COL21A1: variants seen among roughly 807,000 people sequenced by gnomAD.
The protein encoded by COL21A1 is collagen alpha-1(XXI) chain.
Under a neutral mutation model 137.9 loss-of-function variants are expected in COL21A1, and 149 were observed. The observed-to-expected ratio is 1.08, with a 90% CI of 0.95 to 1.24. The LOEUF (loss-of-function observed/expected upper bound fraction) is 1.24. Ranked by LOEUF, COL21A1 falls within the 50% of genes most tolerant of loss-of-function variation. COL21A1 has a pLI of 0.00. For missense variants in COL21A1, 1,167 were observed against 1,158.4 expected, an observed-to-expected ratio of 1.01 and a Z score of -0.11; for synonymous variants, 456 against 391.5, an observed-to-expected ratio of 1.16 and a Z score of -1.95.
intron 1 of COL21A1, among the ~76,000 whole-genome samples, chr6:56,291,477 G>T (rs1383229168): frequency 2.6e-5 from 4 of 152,198 alleles, no homozygotes; most frequent in African/African-American, 9.6e-5. Context: ...CCCACTTCTG[G>T]CCTTGCAGTC....
chr6:56,078,252 T>G, intron 17 of COL21A1: 1 of 455,292 alleles, frequency 2.2e-6, no homozygotes, highest in Admixed American at 2.4e-5. Context: ...TTTAGCACAT[T>G]TATTGCTTGC....
At chr6:56,302,854 T>C (rs1214893319) in intron 1 of COL21A1, among the ~76,000 whole-genome samples, 4 of 152,176 alleles carry the variant, frequency 2.6e-5, no homozygotes, top group South Asian at 2.1e-4. Flanking sequence ...AGGGTTTTTA[T>C]GGATTTAGGT....
intron 24 of COL21A1, among the ~76,000 whole-genome samples, chr6:56,062,394 A>G (rs545558459): frequency 2.0e-5 from 3 of 152,274 alleles, no homozygotes; most frequent in African/African-American, 7.2e-5. Flanking sequence ...TGTATTATAG[A>G]GGAAAAAAAC....
intron 1 of COL21A1, among the ~76,000 whole-genome samples, chr6:56,260,485 A>C (rs1184519809): frequency 1.3e-5 from 2 of 151,556 alleles, no homozygotes; most frequent in African/African-American, 4.8e-5. Flanking sequence ...GAGGCAGGAG[A>C]ATCACTTGAA....
chr6:56,350,239 C>A (rs1287363272), intron 1 of COL21A1, among the ~76,000 whole-genome samples: 2 of 152,116 alleles, frequency 1.3e-5, no homozygotes, highest in African/African-American at 4.8e-5. Flanking sequence ...ACATGGCCTG[C>A]CACTAACTTA....
At chr6:56,308,744 AC>A (rs1313644219) in intron 1 of COL21A1, among the ~76,000 whole-genome samples, 1 of 7,830 alleles carries the variant, frequency 1.3e-4, no homozygotes, top group African/African-American at 1.4e-4. Flanking sequence ...CTACAAAAAA[AC>A]AAATAAGATT....
chr6:56,220,053 T>C (rs1200154754), intron 1 of COL21A1, among the ~76,000 whole-genome samples: 1 of 152,164 alleles, frequency 6.6e-6, no homozygotes, highest in Non-Finnish European at 1.5e-5. Flanking sequence ...ATAGACTGTA[T>C]TGGTATATAA....
intron 1 of COL21A1, among the ~76,000 whole-genome samples, chr6:56,391,310 G>T (rs1048775171): frequency 6.6e-6 from 1 of 151,908 alleles, no homozygotes; most frequent in African/African-American, 2.4e-5. Flanking sequence ...AGTACCAAGA[G>T]GGAAGTGTAT....
At chr6:56,217,576 C>A (rs948782081) in intron 1 of COL21A1, among the ~76,000 whole-genome samples, 9 of 152,082 alleles carry the variant, frequency 5.9e-5, no homozygotes, top group Admixed American at 3.9e-4. Flanking sequence ...ATCTGAAGCA[C>A]AATAAGGTTA....
At chr6:56,286,199 C>A (rs1763908954) in intron 1 of COL21A1, among the ~76,000 whole-genome samples, 1 of 152,076 alleles carries the variant, frequency 6.6e-6, no homozygotes, top group Non-Finnish European at 1.5e-5. Flanking sequence ...GAGAAGAGAC[C>A]ATCCATAAAA....
intron 10 of COL21A1, among the ~76,000 whole-genome samples, chr6:56,148,370 A>AGAGAGAGAGAG (rs1471650902): frequency 3.9e-5 from 1 of 25,438 alleles, no homozygotes. Context: ...GAGAGAGAGA[A>AGAGAGAGAGAG]ACACATAAAA....
At chr6:56,130,601 G>A (rs1773483711) in intron 12 of COL21A1, among the ~76,000 whole-genome samples, 1 of 152,060 alleles carries the variant, frequency 6.6e-6, no homozygotes, top group African/African-American at 2.4e-5. Context: ...TATTGGAGAT[G>A]GCAAACAGAT....
chr6:56,366,259 C>T (rs1032683624), intron 1 of COL21A1, among the ~76,000 whole-genome samples: 2 of 152,278 alleles, frequency 1.3e-5, no homozygotes, highest in African/African-American at 4.8e-5. Flanking sequence ...TACAACACAG[C>T]CTCGCCAAGT....
At chr6:56,099,224 ATTT>A (rs765498868) in intron 17 of COL21A1, among the ~76,000 whole-genome samples, 32 of 111,994 alleles carry the variant, frequency 2.9e-4, no homozygotes, top group African/African-American at 4.5e-4. Flanking sequence ...CACAAACTAA[ATTT>A]TTTTTTTTTT....
chr6:56,121,377 T>C (rs959371812), intron 16 of COL21A1, among the ~76,000 whole-genome samples: 5 of 151,452 alleles, frequency 3.3e-5, no homozygotes, highest in Non-Finnish European at 5.9e-5. Context: ...TTGTGAGTAG[T>C]TGAAGAGAAG....
intron 1 of COL21A1, among the ~76,000 whole-genome samples, chr6:56,257,026 C>T (rs1414137401): frequency 6.6e-6 from 1 of 152,056 alleles, no homozygotes; most frequent in Non-Finnish European, 1.5e-5. Flanking sequence ...AAAGATTTCT[C>T]CATTAAACAC....
At chr6:56,254,164 C>T (rs1782918804) in intron 1 of COL21A1, among the ~76,000 whole-genome samples, 1 of 152,194 alleles carries the variant, frequency 6.6e-6, no homozygotes, top group Non-Finnish European at 1.5e-5. Flanking sequence ...CAACTTTCCT[C>T]ACATTAAACC....
At chr6:56,125,999 T>C (rs929406707) in intron 13 of COL21A1, 97 bp downstream of exon 13, 2 of 682,110 alleles carry the variant, frequency 2.9e-6, no homozygotes, top group African/African-American at 3.7e-5. Context: ...TAATTATATA[T>C]GAACATTTAT....
intron 1 of COL21A1, among the ~76,000 whole-genome samples, chr6:56,197,853 G>T (rs890901158): frequency 3.3e-5 from 5 of 152,068 alleles, no homozygotes; most frequent in African/African-American, 1.2e-4. Flanking sequence ...TACTACTGGA[G>T]ATGTTTCCAA....
Sources: allele counts gnomAD v4.1 joint callset (sites outside exome capture counted in the v4.1 genomes callset), GRCh38; gene constraint gnomAD v4.1.1; transcripts MANE v1.5; gene names NCBI Gene and HGNC (gene_info 2026-07-23, HGNC 2026-07-21).